PSD3: variants seen among roughly 807,000 people sequenced by gnomAD.
PSD3 encodes the protein PH and SEC7 domain-containing protein 3.
A neutral mutation model predicts 105.5 loss-of-function variants in PSD3; 49 were observed. The ratio of observed to expected loss-of-function variants is 0.46; its 90% CI spans 0.37 to 0.59. The LOEUF (loss-of-function observed/expected upper bound fraction) is 0.59, where lower values mean the gene tolerates loss of function less well. Among genes scored for constraint, PSD3 ranks in the 20% least tolerant of loss-of-function variants. The probability of loss-of-function intolerance (pLI) is 0.00; values close to 1 mark genes in which losing one functional copy is unlikely to be tolerated. For synonymous variants in PSD3, 557 were observed against 457.8 expected, an observed-to-expected ratio of 1.22 and a Z score of -2.77; for missense variants, 1,561 against 1,263.8, an observed-to-expected ratio of 1.24 and a Z score of -3.57.
rs537598474 is a variant in PSD3, at chr8:18,543,623, CAA to C, written c.2929-7667_2929-7666del. On this transcript the variant is annotated intron_variant, in intron 15 of 15. Coordinates refer to ENST00000327040, the MANE Select transcript of PSD3 (RefSeq NM_015310.4). ...ACAGAGCGAGACTCTCTCTCAAAAACAAAAAAAAAAACAACAACAAAAACAAA... is the reference window on the plus strand; with the variant it reads ...ACAGAGCGAGACTCTCTCTCAAAAACAAAAAAAAACAACAACAAAAACAAA... 9.3e-3 allele frequency among the ~76,000 whole-genome samples: 1,247 copies of C among 133,784 alleles called. 17 individuals are homozygous for C. Among genetic ancestry groups the C allele is most frequent in the African/African-American group, 0.032 (1,175 of 36,660 alleles). The allele number at this position is 133,784 out of a possible 152,430, so 87.8% of individuals were successfully genotyped here.
intron 9 of PSD3, among the ~76,000 whole-genome samples, chr8:18,674,920 G>A (rs1721132923): frequency 6.6e-6 from 1 of 152,042 alleles, no homozygotes; most frequent in African/African-American, 2.4e-5. Flanking sequence ...AGGATTATAT[G>A]AGGCCAGGAT....
intron 1 of PSD3, among the ~76,000 whole-genome samples, chr8:18,949,564 G>A (rs1823111376): frequency 6.6e-6 from 1 of 151,980 alleles, no homozygotes; most frequent in Non-Finnish European, 1.5e-5. Context: ...CCAAGCAAAT[G>A]ATCATGAGCT....
At chr8:18,763,290 T>C (rs1806694671) in intron 9 of PSD3, among the ~76,000 whole-genome samples, 1 of 152,206 alleles carries the variant, frequency 6.6e-6, no homozygotes. Flanking sequence ...ATAAAGGTCA[T>C]AATTTTTCCT....
chr8:18,759,112 T>C (rs1806303521), intron 9 of PSD3, among the ~76,000 whole-genome samples: 1 of 142,920 alleles, frequency 7.0e-6, no homozygotes, highest in Non-Finnish European at 1.5e-5. Flanking sequence ...TCTCTCTCTC[T>C]CTCTTTCTTC....
intron 11 of PSD3, among the ~76,000 whole-genome samples, chr8:18,608,355 T>G (rs555926610): frequency 2.0e-5 from 3 of 152,224 alleles, no homozygotes; most frequent in Non-Finnish European, 4.4e-5. Context: ...CAGCTCTGGC[T>G]TGGGGGCTGC....
At chr8:18,666,007 T>TG (rs1799429219) in intron 9 of PSD3, among the ~76,000 whole-genome samples, 1 of 152,194 alleles carries the variant, frequency 6.6e-6, no homozygotes, top group African/African-American at 2.4e-5. Flanking sequence ...GATGACAACT[T>TG]GCTGAAGGCT....
Position 18,588,895 on chromosome 8 carries a change from G to GTGCT in PSD3, c.2481+11468_2481+11469insAGCA, listed in dbSNP as rs1803391492. ...CTCTCAAATGTTGAATGTGAGAATA[G>GTGCT]TGTTCTCTTCCCAGGCCCACCCTGA... On this transcript the variant is annotated intron_variant, in intron 12 of 15. Coordinates refer to ENST00000327040, the MANE Select transcript of PSD3 (RefSeq NM_015310.4). 3.3e-5 allele frequency among the ~76,000 whole-genome samples: 5 copies of GTGCT among 152,058 alleles called. No homozygotes were observed. The South Asian group carries it at 1.0e-3, about 32-fold the overall frequency.
chr8:18,642,057 C>G (rs1458490088), intron 10 of PSD3, among the ~76,000 whole-genome samples: 1 of 152,114 alleles, frequency 6.6e-6, no homozygotes, highest in Non-Finnish European at 1.5e-5. Flanking sequence ...TCATCACTAG[C>G]CTTTTAATAC....
intron 15 of PSD3, among the ~76,000 whole-genome samples, chr8:18,549,141 C>T: frequency 6.7e-6 from 1 of 149,484 alleles, no homozygotes; most frequent in South Asian, 2.1e-4. Context: ...TAAAGTGAAA[C>T]TGTTCTTCTT....
chr8:18,839,495 T>G (rs1164621915), intron 4 of PSD3, among the ~76,000 whole-genome samples: 1 of 152,072 alleles, frequency 6.6e-6, no homozygotes, highest in Admixed American at 6.5e-5. Context: ...CCTCAGCTCT[T>G]TAAAGGTGGA....
intron 1 of PSD3, among the ~76,000 whole-genome samples, chr8:18,948,516 G>T (rs961810385): frequency 6.6e-6 from 1 of 152,080 alleles, no homozygotes; most frequent in Non-Finnish European, 1.5e-5. Context: ...AATGGAGGTG[G>T]GTCAGGTACT....
chr8:18,991,099 G>C (rs1397204079), intron 1 of PSD3, among the ~76,000 whole-genome samples: 1 of 152,052 alleles, frequency 6.6e-6, no homozygotes, highest in Non-Finnish European at 1.5e-5. Context: ...AGAAACACGG[G>C]TTTTACATGG....
At chr8:18,800,387 G>A (rs1810574441) in intron 7 of PSD3, among the ~76,000 whole-genome samples, 2 of 152,220 alleles carry the variant, frequency 1.3e-5, no homozygotes, top group African/African-American at 2.4e-5. Flanking sequence ...CCTTGGACAT[G>A]GAGGGGAGGT....
intron 1 of PSD3, among the ~76,000 whole-genome samples, chr8:18,983,227 T>C (rs1038899811): frequency 4.6e-5 from 7 of 152,254 alleles, no homozygotes; most frequent in African/African-American, 7.2e-5. Context: ...CAGCCAAGAA[T>C]TGGAGGCTTG....
At chr8:18,953,959 C>T (rs1823400326) in intron 1 of PSD3, among the ~76,000 whole-genome samples, 1 of 151,954 alleles carries the variant, frequency 6.6e-6, no homozygotes, top group African/African-American at 2.4e-5. Flanking sequence ...ATACATAGTA[C>T]AAGTACAAAC....
rs760064817 is a variant in PSD3 at position 18,535,179 on chromosome 8, A to T, written c.*564T>A. The T allele has an allele frequency of 6.5e-6, 1 of 154,306 alleles. No homozygotes were observed. Among genetic ancestry groups the T allele is most frequent in the African/African-American group, 2.4e-5 (1 of 41,438 alleles). The allele number at this position is 154,306 out of a possible 1,614,324, so 9.6% of individuals were successfully genotyped here. On this transcript the variant is annotated 3_prime_UTR_variant, in exon 16 of 16. Transcript: ENST00000327040. ...CTGCTTCCAGCAGGGTCCGATCTCA[A>T]CAACAAGTGCTAAGCTGCACATGAA...
intron 9 of PSD3, among the ~76,000 whole-genome samples, chr8:18,675,386 G>A (rs1017101767): frequency 2.6e-5 from 4 of 152,092 alleles, no homozygotes; most frequent in African/African-American, 9.7e-5. Flanking sequence ...AGATAGCTTC[G>A]TAATCTTATT....
At chr8:18,654,003 G>T (rs954857377) in intron 10 of PSD3, among the ~76,000 whole-genome samples, 1 of 152,020 alleles carries the variant, frequency 6.6e-6, no homozygotes, top group Non-Finnish European at 1.5e-5. Flanking sequence ...ACCCACTTTT[G>T]TTCATGAGAA....
chr8:18,622,672 C>G (rs1806199464), intron 11 of PSD3, among the ~76,000 whole-genome samples: 1 of 152,134 alleles, frequency 6.6e-6, no homozygotes, highest in Non-Finnish European at 1.5e-5. Context: ...ATAATTACCA[C>G]AAGGAAGCTA....
Sources: allele counts gnomAD v4.1 joint callset (sites outside exome capture counted in the v4.1 genomes callset), GRCh38; gene constraint gnomAD v4.1.1; transcripts MANE v1.5; gene names NCBI Gene and HGNC (gene_info 2026-07-23, HGNC 2026-07-21).